Variants in CANX observed in about 807,000 individuals in gnomAD.
CANX encodes epididymis secretory sperm binding protein.
In CANX, 14 loss-of-function variants were observed where a neutral mutation model predicts 75.7. The ratio of observed to expected loss-of-function variants is 0.19; its 90% confidence interval spans 0.12 to 0.29. The LOEUF (loss-of-function observed/expected upper bound fraction) is 0.29. Among genes scored for constraint, CANX ranks in the 10% least tolerant of loss-of-function variants. CANX has a pLI of 1.00. For missense variants in CANX, 567 were observed against 713.2 expected (o/e 0.79, Z 2.34); for synonymous variants, 227 against 236.9 (o/e 0.96, Z 0.38).
intron 4 of CANX, among the ~76,000 whole-genome samples, chr5:179,708,016 T>C (rs1777279370): frequency 6.6e-6 from 1 of 152,034 alleles, no homozygotes; most frequent in South Asian, 2.1e-4. Flanking sequence ...TTTGTGTTTT[T>C]ATTAGAGATG....
intron 1 of CANX, among the ~76,000 whole-genome samples, chr5:179,690,982 A>G (rs987110538): frequency 6.6e-6 from 1 of 152,126 alleles, no homozygotes; most frequent in African/African-American, 2.4e-5. Context: ...GATATGAGCT[A>G]TAAATTTATA....
At chr5:179,699,198 T>TGAGG (rs1776557562) in intron 1 of CANX, 96 bp downstream of exon 1, 1 of 757,562 alleles carries the variant, frequency 1.3e-6, no homozygotes, top group Middle Eastern at 6.3e-4. Flanking sequence ...GGCCGGCGAC[T>TGAGG]GAGGGGTCGG....
At chr5:179,679,006 G>A in intron 1 of CANX, 1 of 1,535,708 alleles carries the variant, frequency 6.5e-7, no homozygotes, top group South Asian at 1.2e-5. Flanking sequence ...GGTAGAAGGT[G>A]GACAGGGAGG....
rs185536392 is a variant in CANX, at chr5:179,699,069, C to T, written c.-37C>T. 1.7e-4 allele frequency: 188 copies of T among 1,091,778 alleles called. No individual in the cohort carries two copies. In the African/African-American group the frequency reaches 3.1e-3, roughly 18 times the overall value. 67.6% of individuals were successfully genotyped at this position (1,091,778 alleles called of 1,614,324 possible). A position where few individuals can be genotyped will look rare whatever the true frequency, so the allele number is the denominator to read the frequency against. ...GGCAAGGTGTGCGGGCGGGAAGGGG[C>T]ACGGGCACCCCCGCGGTCCCCGGGA... On this transcript the variant is annotated 5_prime_UTR_variant, in exon 1 of 15. Transcript: ENST00000247461.
rs1272232949 is a variant in CANX, at chr5:179,728,568, A to T, written c.1726-23A>T. On this transcript the variant is annotated intron_variant, in intron 14 of 14. Coordinates refer to ENST00000247461, the MANE Select transcript of CANX (RefSeq NM_001746.4). Reference sequence around the variant, plus strand: ...TTATTTTTTAAATGTGCTAATTATAATGAATTTCTTTTCAATCAATAGGAG... The same window carrying T: ...TTATTTTTTAAATGTGCTAATTATATTGAATTTCTTTTCAATCAATAGGAG... 3.5e-6 allele frequency: 5 copies of T among 1,422,256 alleles called. No homozygotes were observed. In the African/African-American group the frequency reaches 7.0e-5, roughly 20 times the overall value. 88.1% of individuals were successfully genotyped at this position (1,422,256 alleles called of 1,614,324 possible). A position where few individuals can be genotyped will look rare whatever the true frequency, so the allele number is the denominator to read the frequency against.
At position 179,709,977 on chromosome 5, in the gene CANX, G is replaced by A. The variant is rs1777421140; in HGVS notation, c.633G>A (p.Thr211=). ...HFIFRHKNPK[T]GIYEEKHAKR... ...TCTTCCGACACAAAAACCCCAAAACGGGTATCTATGAAGAAAAACATGCTA... is the reference window on the plus strand; with the variant it reads ...TCTTCCGACACAAAAACCCCAAAACAGGTATCTATGAAGAAAAACATGCTA... The change falls in exon 7 of 15, where the codon ACG becomes ACA. Residue 211 remains threonine (T), a synonymous_variant. Transcript: ENST00000247461. 2 of 1,612,782 alleles carry A rather than the reference G, an allele frequency of 1.2e-6. No individual in the cohort carries two copies. Among genetic ancestry groups the A allele is most frequent in the Non-Finnish European group, 1.7e-6 (2 of 1,179,028 alleles).
At chr5:179,698,891 G>A, upstream of CANX, 1 of 1,155,556 alleles carries the variant, frequency 8.7e-7, no homozygotes, top group Non-Finnish European at 1.1e-6. Context: ...GCGGGACTTG[G>A]CGCCGGCTGT....
chr5:179,710,828 G>A (rs534979055), intron 7 of CANX, among the ~76,000 whole-genome samples: 6 of 151,472 alleles, frequency 4.0e-5, no homozygotes, highest in African/African-American at 1.2e-4. Flanking sequence ...TGAGGCGGGC[G>A]GATCACTTGA....
chr5:179,680,831 T>C, intron 1 of CANX: 1 of 1,481,550 alleles, frequency 6.7e-7, no homozygotes, highest in Non-Finnish European at 9.1e-7. Flanking sequence ...ATAATACACT[T>C]ATCCCTCACA....
chr5:179,716,179 A>G lies in CANX; in HGVS notation c.796A>G (p.Met266Val), dbSNP rs1171164764. 8.7e-6 allele frequency: 14 copies of G among 1,613,454 alleles called. No individual in the cohort carries two copies. In the African/African-American group the frequency reaches 1.7e-4, roughly 20 times the overall value. Residue 266 changes from methionine to valine, a missense_variant, in exon 8 of 15, where the codon ATG (methionine) becomes GTG (valine). Transcript: ENST00000247461. The part of the protein sequence containing the change: ...VVNSGNLLND[M>V]TPPVNPSREI... The stretch of plus-strand genomic sequence containing the variant: ...GAATAGTGGAAATCTGCTCAATGAC[A>G]TGACTCCTCCTGTAAATCCTTCACG...
chr5:179,686,361 G>A (rs867467078), intron 1 of CANX, among the ~76,000 whole-genome samples: 1 of 150,698 alleles, frequency 6.6e-6, no homozygotes, highest in Non-Finnish European at 1.5e-5. Context: ...GCCTCCCAAA[G>A]TGCTGGGATT....
chr5:179,686,050 A>G (rs894471396), intron 1 of CANX, among the ~76,000 whole-genome samples: 1 of 151,196 alleles, frequency 6.6e-6, no homozygotes, highest in Non-Finnish European at 1.5e-5. Flanking sequence ...GCTATTAAGC[A>G]TCTTTCCATG....
At chr5:179,706,086 T>C (rs72809763) in intron 2 of CANX, among the ~76,000 whole-genome samples, 172 bp from the exon 3 acceptor site, 4,343 of 152,330 alleles carry the variant, frequency 0.029, 86 homozygotes, top group Non-Finnish European at 0.04. Context: ...AAAATACTTA[T>C]TGATCTCTCT....
intron 1 of CANX, chr5:179,678,826 C>A (rs1361472768): frequency 6.5e-7 from 1 of 1,537,020 alleles, no homozygotes; most frequent in South Asian, 1.2e-5. Context: ...GCTGCACCTG[C>A]GCCTTCCAGC....
chr5:179,723,063 A>T (rs1266811370), intron 11 of CANX, 44 bp downstream of exon 11: 20 of 1,523,572 alleles, frequency 1.3e-5, no homozygotes, highest in Non-Finnish European at 1.7e-5. Flanking sequence ...TATTGTAAGG[A>T]GCTGTTATTT....
In CANX at chr5:179,731,176, C is replaced by A. The variant is rs1269155442; in HGVS notation, c.*2532C>A. Reference sequence around the variant, plus strand: ...TTCTGTTGTATAATAGTGTGGACAGCAGCTCAGAAAAGGAGGGAATGCTAC... The same window carrying A: ...TTCTGTTGTATAATAGTGTGGACAGAAGCTCAGAAAAGGAGGGAATGCTAC... On this transcript the variant is annotated 3_prime_UTR_variant, in exon 15 of 15. Transcript: ENST00000247461. 1.3e-5 allele frequency among the ~76,000 whole-genome samples: 2 copies of A among 152,144 alleles called. No individual in the cohort carries two copies. The highest frequency in any genetic ancestry group is 4.8e-5 in the African/African-American group (2 of 41,426).
At chr5:179,694,241 T>C, upstream of CANX, 1 of 406,828 alleles carries the variant, frequency 2.5e-6, no homozygotes, top group Non-Finnish European at 4.5e-6. Context: ...AGATGTCTGC[T>C]TATGTCTTCT....
In CANX at chr5:179,683,412, T is replaced by C. The variant is rs913848983; in HGVS notation, c.-4+4635T>C. 2.7e-4 allele frequency among the ~76,000 whole-genome samples: 41 copies of C among 152,034 alleles called. 1 individual carries two copies. The highest frequency in any genetic ancestry group is 8.5e-4 in the Admixed American group (13 of 15,230). ...CCTCCCAAAGTGCTGGGATTACAGGTGTGAGCCACCGCGCCCGGCCAACTA... is the reference window on the plus strand; with the variant it reads ...CCTCCCAAAGTGCTGGGATTACAGGCGTGAGCCACCGCGCCCGGCCAACTA... On this transcript the variant is annotated intron_variant, in intron 1 of 14. Coordinates refer to the CANX transcript ENST00000681674.
At chr5:179,694,641 G>A, upstream of CANX, 3 of 830,040 alleles carry the variant, frequency 3.6e-6, no homozygotes, top group Non-Finnish European at 4.1e-6. Context: ...GGAGAAGTAC[G>A]AGAAGGATGT....
Sources: gnomAD v4.1 joint callset for allele counts (sites outside exome capture counted in the v4.1 genomes callset) on GRCh38, gnomAD v4.1.1 for gene constraint, MANE v1.5 for transcripts, NCBI Gene and HGNC (gene_info 2026-07-23, HGNC 2026-07-21) for gene names.